The following COX7B2 variants were observed in gnomAD, a reference collection of about 807,000 sequenced individuals.
COX7B2 encodes cytochrome c oxidase subunit 7B2, also known as cytochrome c oxidase subunit 7B2, mitochondrial.
For synonymous variants in COX7B2, 37 were observed against 32.1 expected (o/e 1.15, Z -0.51); for missense variants, 109 against 95.9 (o/e 1.14, Z -0.57).
intron 1 of COX7B2, among the ~76,000 whole-genome samples, chr4:46,848,142 A>G (rs1290080315): frequency 6.6e-6 from 1 of 152,070 alleles, no homozygotes; most frequent in Non-Finnish European, 1.5e-5. Flanking sequence ...CAGCCTTACT[A>G]GGCTCCTAAG....
rs1254384371 is a variant in COX7B2, at chr4:46,818,769, G to A, written c.-50+26191C>T. Among the ~76,000 whole-genome samples the A allele has an allele frequency of 2.0e-5, 3 of 152,286 alleles. No individual in the cohort carries two copies. In the East Asian group the frequency reaches 5.8e-4, roughly 29 times the overall value. On this transcript the variant is annotated intron_variant, in intron 2 of 2. Coordinates refer to ENST00000355591, the MANE Select transcript of COX7B2 (RefSeq NM_130902.3). ...GTGCCCTTTGGCATGGCACACACAT[G>A]AGTAATCAATCATCTCTATAAAATG... is the stretch of plus-strand genomic sequence containing the variant.
intron 1 of COX7B2, among the ~76,000 whole-genome samples, chr4:46,890,022 A>C (rs966850620): frequency 6.6e-6 from 1 of 152,134 alleles, no homozygotes; most frequent in African/African-American, 2.4e-5. Context: ...TAAGAAACTC[A>C]TCTGAGCATT....
chr4:46,840,500 A>G (rs1348297128), intron 2 of COX7B2, among the ~76,000 whole-genome samples: 4 of 151,954 alleles, frequency 2.6e-5, no homozygotes, highest in Non-Finnish European at 5.9e-5. Flanking sequence ...GTCAATGTAA[A>G]TAGAAGAAAG....
intron 2 of COX7B2, among the ~76,000 whole-genome samples, chr4:46,795,134 TC>T (rs1260062162): frequency 7.5e-6 from 1 of 134,016 alleles, no homozygotes; most frequent in Non-Finnish European, 1.5e-5. Flanking sequence ...AAAAATTTTC[TC>T]CCATGTTGTA....
chr4:46,872,754 T>C (rs188171705), intron 1 of COX7B2, among the ~76,000 whole-genome samples: 3 of 152,284 alleles, frequency 2.0e-5, no homozygotes, highest in Admixed American at 6.5e-5. Context: ...TACTGATTCA[T>C]TTTGTGCCTA....
At chr4:46,745,633 G>A (rs994271024) in intron 2 of COX7B2, among the ~76,000 whole-genome samples, 33 of 151,630 alleles carry the variant, frequency 2.2e-4, no homozygotes, top group Admixed American at 9.2e-4. Flanking sequence ...TTTCCTTCTT[G>A]TAGATGCCTC....
At chr4:46,851,505 T>A (rs1281483042) in intron 1 of COX7B2, among the ~76,000 whole-genome samples, 1 of 152,052 alleles carries the variant, frequency 6.6e-6, no homozygotes, top group Non-Finnish European at 1.5e-5. Context: ...ACAACTTACA[T>A]AACAAAAGTA....
At chr4:46,855,699 A>G (rs1314664317) in intron 1 of COX7B2, among the ~76,000 whole-genome samples, 1 of 152,094 alleles carries the variant, frequency 6.6e-6, no homozygotes, top group Non-Finnish European at 1.5e-5. Context: ...GATATGTAAT[A>G]TTTTTTACAT....
chr4:46,849,855 A>G (rs1361467277), intron 1 of COX7B2, among the ~76,000 whole-genome samples: 2 of 151,990 alleles, frequency 1.3e-5, no homozygotes, highest in Non-Finnish European at 2.9e-5. Flanking sequence ...ACCCCACAAC[A>G]GGCCCTGGTG....
At chr4:46,773,466 CTG>C (rs1716991326) in intron 2 of COX7B2, among the ~76,000 whole-genome samples, 1 of 152,156 alleles carries the variant, frequency 6.6e-6, no homozygotes, top group Non-Finnish European at 1.5e-5. Context: ...TCATGCTGAA[CTG>C]TGAGTCAATT....
At chr4:46,889,842 A>G (rs1369011636) in intron 1 of COX7B2, among the ~76,000 whole-genome samples, 2 of 152,042 alleles carry the variant, frequency 1.3e-5, no homozygotes, top group Non-Finnish European at 2.9e-5. Flanking sequence ...TCTAAATGTT[A>G]ATAATAGTTG....
At chr4:46,831,460 C>T (rs1715093226) in intron 2 of COX7B2, among the ~76,000 whole-genome samples, 1 of 152,206 alleles carries the variant, frequency 6.6e-6, no homozygotes, top group Admixed American at 6.5e-5. Context: ...TGGCAGGCAG[C>T]TCCACCTGTG....
chr4:46,816,882 T>C (rs1167481931), intron 2 of COX7B2, among the ~76,000 whole-genome samples: 1 of 152,212 alleles, frequency 6.6e-6, no homozygotes, highest in East Asian at 1.9e-4. Context: ...TTGAAGTCCT[T>C]GTAGCTTGTT....
intron 2 of COX7B2, among the ~76,000 whole-genome samples, chr4:46,787,659 T>G (rs1478074501): frequency 1.3e-5 from 2 of 152,062 alleles, no homozygotes; most frequent in African/African-American, 4.8e-5. Context: ...GAGATAACAT[T>G]TGAGATGCAA....
intron 2 of COX7B2, among the ~76,000 whole-genome samples, chr4:46,802,892 C>T (rs1718733554): frequency 6.6e-6 from 1 of 152,024 alleles, no homozygotes; most frequent in South Asian, 2.1e-4. Context: ...AGAGATTGTA[C>T]TAAAGGGGGA....
chr4:46,850,761 A>G (rs987582421), intron 1 of COX7B2, among the ~76,000 whole-genome samples: 1 of 152,098 alleles, frequency 6.6e-6, no homozygotes, highest in Non-Finnish European at 1.5e-5. Context: ...TTGCCTGCCA[A>G]TACTATGCTC....
intron 2 of COX7B2, among the ~76,000 whole-genome samples, chr4:46,822,687 A>G (rs1248352966): frequency 6.6e-6 from 1 of 152,186 alleles, no homozygotes; most frequent in African/African-American, 2.4e-5. Context: ...ACAGATACCC[A>G]TCTCACATAA....
intron 2 of COX7B2, among the ~76,000 whole-genome samples, chr4:46,800,232 A>T (rs1240083536): frequency 1.3e-5 from 2 of 152,202 alleles, no homozygotes. Flanking sequence ...ATATCAAACT[A>T]CCAAGGACAT....
At chr4:46,890,653 G>C (rs1392190958) in intron 1 of COX7B2, among the ~76,000 whole-genome samples, 1 of 152,128 alleles carries the variant, frequency 6.6e-6, no homozygotes, top group Non-Finnish European at 1.5e-5. Context: ...AGAAGTGAAA[G>C]GACAAACCAT....
Sources: gnomAD v4.1 joint callset for allele counts (sites outside exome capture counted in the v4.1 genomes callset) on GRCh38, gnomAD v4.1.1 for gene constraint, MANE v1.5 for transcripts, NCBI Gene and HGNC (gene_info 2026-07-23, HGNC 2026-07-21) for gene names.